MYL4: variants seen among roughly 807,000 people sequenced by gnomAD.
The protein encoded by MYL4 is myosin light chain 4, also known as atrial myosin light chain 1.
Under a neutral mutation model 21.6 loss-of-function variants are expected in MYL4, and 16 were observed. That is an observed-to-expected ratio of 0.74 (90% CI 0.50 to 1.12). MYL4 has a LOEUF of 1.12. Ranked by LOEUF, MYL4 falls within the 50% of genes most tolerant of loss-of-function variation. MYL4 has a pLI of 0.00. For synonymous variants in MYL4, 82 were observed against 95.7 expected (o/e 0.86, Z 0.83); for missense variants, 249 against 252.9 (o/e 0.98, Z 0.11).
In MYL4 at chr17:47,223,037, G is replaced by A; in HGVS notation, c.589G>A (p.Gly197Arg). Reference protein sequence around the residue: ...YEAFVKHIMSG With the variant: ...YEAFVKHIMSR ...AGCCTTTGTCAAGCACATCATGTCAGGGTGAAGCAGAGTCTTCCAGGTGAG... is the reference window on the plus strand; with the variant it reads ...AGCCTTTGTCAAGCACATCATGTCAAGGTGAAGCAGAGTCTTCCAGGTGAG... The change falls in exon 6 of 7, where the codon GGG (glycine) becomes AGG (arginine). Residue 197 changes from glycine (G) to arginine (R), a missense_variant. Gly to Arg is a moderately radical substitution (Grantham distance 125, BLOSUM62 -2). Transcript: ENST00000393450. 1 of 1,614,170 alleles carries A rather than the reference G, an allele frequency of 6.2e-7. No individual in the cohort carries two copies.
At chr17:47,222,724 G>A (rs1263885459) in intron 5 of MYL4, among the ~76,000 whole-genome samples, 2 of 152,164 alleles carry the variant, frequency 1.3e-5, no homozygotes, top group African/African-American at 2.4e-5. Flanking sequence ...TCATCTGAGG[G>A]ATGGGGGTGA....
At chr17:47,196,336 C>T (rs558662604), upstream of MYL4, among the ~76,000 whole-genome samples, 1 of 152,172 alleles carries the variant, frequency 6.6e-6, no homozygotes, top group Non-Finnish European at 1.5e-5. Flanking sequence ...TCATGGACCT[C>T]TAGCCTCCAG....
chr17:47,206,061 T>G (rs562394147), upstream of MYL4, among the ~76,000 whole-genome samples: 50 of 152,300 alleles, frequency 3.3e-4, no homozygotes, highest in African/African-American at 1.2e-3. Context: ...TTGCAGTGCC[T>G]TACTTAACAT....
chr17:47,224,767 T>C (rs1231436145), downstream of MYL4, among the ~76,000 whole-genome samples: 9 of 152,152 alleles, frequency 5.9e-5, no homozygotes. Context: ...AGTGCAAAGC[T>C]CCTGGTACCT....
chr17:47,213,498 G>A (rs368511519), intron 1 of MYL4, among the ~76,000 whole-genome samples: 1 of 152,008 alleles, frequency 6.6e-6, no homozygotes, highest in African/African-American at 2.4e-5. Context: ...TAGTTGTTAT[G>A]TATTTTTTGT....
At chr17:47,201,163 C>T (rs568795022) in intron 1 of MYL4, among the ~76,000 whole-genome samples, 4 of 152,162 alleles carry the variant, frequency 2.6e-5, no homozygotes, top group Admixed American at 6.5e-5. Flanking sequence ...AGTGAGACTC[C>T]GTCTCAAAAA....
chr17:47,209,234 C>A (rs915305992), upstream of MYL4: 5 of 743,186 alleles, frequency 6.7e-6, no homozygotes, highest in Non-Finnish European at 1.1e-5. Flanking sequence ...GTCAGCTGTA[C>A]CCTGCTGGCG....
chr17:47,214,608 A>G (rs2079598251), intron 2 of MYL4, among the ~76,000 whole-genome samples: 1 of 152,244 alleles, frequency 6.6e-6, no homozygotes, highest in South Asian at 2.1e-4. Flanking sequence ...ACAAAAAAGC[A>G]AAAAAGCACA....
intron 1 of MYL4, among the ~76,000 whole-genome samples, chr17:47,202,476 CAA>C (rs2064713108): frequency 6.6e-6 from 1 of 152,102 alleles, no homozygotes; most frequent in Admixed American, 6.5e-5. Context: ...AATCAAATAT[CAA>C]AAAAGTATTT....
chr17:47,226,516 T>G (rs1479729201), downstream of MYL4, among the ~76,000 whole-genome samples: 1 of 152,254 alleles, frequency 6.6e-6, no homozygotes, highest in Non-Finnish European at 1.5e-5. Flanking sequence ...CTCAAGGAGC[T>G]TTCAGTCTAG....
chr17:47,191,433 T>C, the MYL4 span, among the ~76,000 whole-genome samples: 1 of 152,212 alleles, frequency 6.6e-6, no homozygotes, highest in Non-Finnish European at 1.5e-5. Context: ...GGACTATTAT[T>C]ATCTGGACAC....
At chr17:47,222,194 G>C (rs1598661205) in intron 4 of MYL4, 186 bp from the exon 5 acceptor site, 4 of 633,726 alleles carry the variant, frequency 6.3e-6, no homozygotes, top group Admixed American at 5.5e-5. Context: ...GGGAGGCTTC[G>C]GAGACTAGGC....
At chr17:47,219,648 A>G (rs1233282106) in intron 2 of MYL4, among the ~76,000 whole-genome samples, 1 of 152,148 alleles carries the variant, frequency 6.6e-6, no homozygotes, top group African/African-American at 2.4e-5. Context: ...CTGGAATTTT[A>G]TAACAACGAA....
chr17:47,212,546 T>C (rs2064784164), intron 1 of MYL4, among the ~76,000 whole-genome samples: 1 of 152,154 alleles, frequency 6.6e-6, no homozygotes, highest in Non-Finnish European at 1.5e-5. Flanking sequence ...GAAGACAAAA[T>C]TAGAAGGCAT....
intron 1 of MYL4, among the ~76,000 whole-genome samples, chr17:47,212,113 T>C (rs1311740922): frequency 1.3e-5 from 2 of 151,820 alleles, no homozygotes; most frequent in Non-Finnish European, 2.9e-5. Flanking sequence ...TAATCTCAGC[T>C]ACTGAGGCAG....
At chr17:47,219,828 T>C in intron 2 of MYL4, 76 bp from the exon 3 acceptor site, 1 of 1,563,064 alleles carries the variant, frequency 6.4e-7, no homozygotes. Flanking sequence ...CTATTCAGCT[T>C]GGGTGGAGGC....
chr17:47,222,502 G>A (rs1297814771), intron 5 of MYL4, 45 bp downstream of exon 5: 1 of 1,597,862 alleles, frequency 6.3e-7, no homozygotes, highest in Non-Finnish European at 8.6e-7. Flanking sequence ...GGGATGGTAG[G>A]ATGGGAACAG....
At chr17:47,199,818 C>T (rs912778431), upstream of MYL4, among the ~76,000 whole-genome samples, 4 of 146,492 alleles carry the variant, frequency 2.7e-5, no homozygotes, top group Non-Finnish European at 4.5e-5. Context: ...TCACTGCAAC[C>T]TCTGCTTCCT....
At chr17:47,198,890 G>A (rs1487571862), upstream of MYL4, among the ~76,000 whole-genome samples, 2 of 152,076 alleles carry the variant, frequency 1.3e-5, no homozygotes, top group African/African-American at 4.8e-5. Context: ...GGAGGCTGAG[G>A]TGGGAGGATC....
Sources: allele counts gnomAD v4.1 joint callset (sites outside exome capture counted in the v4.1 genomes callset), GRCh38; gene constraint gnomAD v4.1.1; transcripts MANE v1.5; gene names NCBI Gene and HGNC (gene_info 2026-07-23, HGNC 2026-07-21).